Variants in NOTCH2NLR observed in about 807,000 individuals in gnomAD.
NOTCH2NLR encodes the protein notch 2 N-terminal like R (pseudogene).
NOTCH2NLR carries 33 observed loss-of-function variants against 35.6 expected under a neutral mutation model. The observed-to-expected ratio is 0.93, with a 90% CI of 0.70 to 1.24. The LOEUF (loss-of-function observed/expected upper bound fraction) is 1.24, where lower values mean the gene tolerates loss of function less well. Among genes scored for constraint, NOTCH2NLR ranks in the 50% most tolerant of loss-of-function variants. NOTCH2NLR has a pLI of 0.00. For missense variants in NOTCH2NLR, 276 were observed against 362.2 expected, an observed-to-expected ratio of 0.76 and a Z score of 1.93; for synonymous variants, 103 against 141.0, an observed-to-expected ratio of 0.73 and a Z score of 1.91.
At chr1:120,732,234 C>CT (rs1174417867) in intron 1 of NOTCH2NLR, among the ~76,000 whole-genome samples, 16 of 71,894 alleles carry the variant, frequency 2.2e-4, no homozygotes, top group East Asian at 6.6e-4. Flanking sequence ...TTATTTTCAT[C>CT]TTTTTTTTTG....
At position 120,751,599 on chromosome 1, in the gene NOTCH2NLR, C is replaced by T. The variant is rs1367392589; in HGVS notation, c.74-12029C>T. On this transcript the variant is annotated intron_variant, in intron 1 of 4. Coordinates refer to ENST00000624419, the Ensembl canonical transcript of NOTCH2NLR. ...GTAGGCCAGGGCATCTGCTCGTTCGCTCGCTCGCTTGCTCTTTCTCTCTTC... is the reference window on the plus strand; with the variant it reads ...GTAGGCCAGGGCATCTGCTCGTTCGTTCGCTCGCTTGCTCTTTCTCTCTTC... 3.5e-5 allele frequency among the ~76,000 whole-genome samples: 2 copies of T among 56,990 alleles called. 1 individual carries two copies. Among genetic ancestry groups the T allele is most frequent in the Non-Finnish European group, 8.1e-5 (2 of 24,688 alleles). The allele number at this position is 56,990 out of a possible 152,430, so 37.4% of individuals were successfully genotyped here.
chr1:120,793,346 C>T lies in NOTCH2NLR; in HGVS notation c.601C>T (p.Leu201=). The T allele has an allele frequency of 8.5e-6, 12 of 1,415,118 alleles. 1 individual carries two copies. In the South Asian group the frequency reaches 1.5e-4, roughly 17 times the overall value. 87.7% of individuals were successfully genotyped at this position (1,415,118 alleles called of 1,614,324 possible). ...CCAGCATGGTGGCACCTGCCTCAAC[C>T]TGCCTGGTTCCTACCAGTGCCAGTG... The change falls in exon 4 of 5, where the codon CTG becomes TTG. Residue 201 remains leucine (L), a synonymous_variant. Transcript: ENST00000624419.
At position 120,730,569 on chromosome 1, in the gene NOTCH2NLR, G is replaced by A. The variant is rs1280550091; in HGVS notation, c.73+6319G>A. 2.7e-5 allele frequency among the ~76,000 whole-genome samples: 3 copies of A among 111,744 alleles called. 1 individual carries two copies. Among genetic ancestry groups the A allele is most frequent in the Non-Finnish European group, 5.0e-5 (3 of 59,536 alleles). 73.3% of individuals were successfully genotyped at this position (111,744 alleles called of 152,430 possible). A position where few individuals can be genotyped will look rare whatever the true frequency, so the allele number is the denominator to read the frequency against. Reference sequence around the variant, plus strand: ...CATCACTGGTAGTGGTAGGAGGTTTGCCGTAGATCTGTTTTTTCTCCTGTC... The same window carrying A: ...CATCACTGGTAGTGGTAGGAGGTTTACCGTAGATCTGTTTTTTCTCCTGTC... On this transcript the variant is annotated intron_variant, in intron 1 of 4. Transcript: ENST00000624419.
exon 1 of NOTCH2NLR, chr1:120,724,034 A>C: frequency 8.0e-7 from 1 of 1,245,196 alleles, no homozygotes; most frequent in Non-Finnish European, 1.0e-6. Context: ...TGGGCTTCGG[A>C]GCGTAGCGCC....
rs1290093406 is a variant in NOTCH2NLR at position 120,759,114 on chromosome 1, T to G, written c.74-4514T>G. Among the ~76,000 whole-genome samples, 2 of 72,424 alleles carry G rather than the reference T, an allele frequency of 2.8e-5. 1 individual carries two copies. Among genetic ancestry groups the G allele is most frequent in the Non-Finnish European group, 4.6e-5 (2 of 43,018 alleles). The allele number at this position is 72,424 out of a possible 152,430, so 47.5% of individuals were successfully genotyped here. ...CATCAGGGCTTGTGCCTGCCGATAG[T>G]AGATGCTTTCTAAATATGTTCTGAA... On this transcript the variant is annotated intron_variant, in intron 1 of 4. Transcript: ENST00000624419.
intron 2 of NOTCH2NLR, among the ~76,000 whole-genome samples, chr1:120,765,248 G>C (rs1377275550): frequency 1.0e-5 from 1 of 100,368 alleles, no homozygotes; most frequent in Non-Finnish European, 1.9e-5. Context: ...ATACCTTAGA[G>C]TAGGCCACTG....
At chr1:120,770,736 T>C (rs1459951754) in intron 2 of NOTCH2NLR, among the ~76,000 whole-genome samples, 2 of 119,096 alleles carry the variant, frequency 1.7e-5, no homozygotes, top group Non-Finnish European at 3.3e-5. Flanking sequence ...TACTGTCACC[T>C]TGAGTCTCAG....
intron 1 of NOTCH2NLR, among the ~76,000 whole-genome samples, 177 bp from the exon 2 acceptor site, chr1:120,763,451 T>C (rs1314499756): frequency 9.2e-6 from 1 of 108,318 alleles, no homozygotes. Flanking sequence ...TGTTGGAAGA[T>C]AGTTTTGGGA....
chr1:120,770,416 G>A (rs1441243594), intron 2 of NOTCH2NLR, among the ~76,000 whole-genome samples: 1 of 111,190 alleles, frequency 9.0e-6, no homozygotes, highest in Non-Finnish European at 1.7e-5. Context: ...TGATCTGCCC[G>A]CCTCGGCCTC....
At chr1:120,769,711 G>A in intron 2 of NOTCH2NLR, among the ~76,000 whole-genome samples, 1 of 116,562 alleles carries the variant, frequency 8.6e-6, no homozygotes, top group Non-Finnish European at 1.7e-5. Context: ...ACTCAAGTCT[G>A]TGGTAGTAGT....
intron 1 of NOTCH2NLR, among the ~76,000 whole-genome samples, chr1:120,733,192 T>C (rs1650882790): frequency 9.5e-6 from 1 of 105,748 alleles, no homozygotes; most frequent in East Asian, 2.2e-4. Context: ...AATATACTAT[T>C]GTCAACACTA....
rs1651470847 is a variant in NOTCH2NLR, at chr1:120,790,331, A to G, written c.416-2830A>G. Among the ~76,000 whole-genome samples, 2 of 112,732 alleles carry G rather than the reference A, an allele frequency of 1.8e-5. 1 individual carries two copies. The highest frequency in any genetic ancestry group is 3.4e-5 in the Non-Finnish European group (2 of 59,590). 74.0% of individuals were successfully genotyped at this position (112,732 alleles called of 152,430 possible). On this transcript the variant is annotated intron_variant, in intron 3 of 4. Coordinates refer to ENST00000624419, the Ensembl canonical transcript of NOTCH2NLR. ...ACCGGGCCGATTCTGATCATCTTTT[A>G]TACATATGCTATTTTTGTCTATCAC...
intron 1 of NOTCH2NLR, among the ~76,000 whole-genome samples, chr1:120,745,134 CAA>C: frequency 1.2e-5 from 1 of 82,300 alleles, no homozygotes; most frequent in South Asian, 3.4e-4. Context: ...AAAAAAAAAA[CAA>C]AAAAAAAACA....
At chr1:120,752,563 TTTTTTTTTTTTC>T (rs1651034525) in intron 1 of NOTCH2NLR, among the ~76,000 whole-genome samples, 11 of 28,316 alleles carry the variant, frequency 3.9e-4, no homozygotes, top group Non-Finnish European at 3.5e-4. Flanking sequence ...TATTTTTTTT[TTTTTTTTTTTTC>T]TTTTTTTTTT....
At chr1:120,724,794 A>G (rs1234513736) in intron 1 of NOTCH2NLR, among the ~76,000 whole-genome samples, 1 of 101,894 alleles carries the variant, frequency 9.8e-6, no homozygotes, top group African/African-American at 5.5e-5. Flanking sequence ...GGCGCGCCTG[A>G]GTTTTGACAC....
intron 1 of NOTCH2NLR, among the ~76,000 whole-genome samples, chr1:120,760,180 C>CTTT (rs1161423259): frequency 1.3e-4 from 2 of 15,166 alleles, no homozygotes; most frequent in East Asian, 6.0e-4. Flanking sequence ...TCTACCACAG[C>CTTT]TTTTTTTTTT....
In NOTCH2NLR at chr1:120,785,211, C is replaced by T. The variant is rs1651412170; in HGVS notation, c.393C>T (p.Cys131=). 5.5e-6 allele frequency: 8 copies of T among 1,445,434 alleles called. 1 individual carries two copies. The highest frequency in any genetic ancestry group is 2.3e-5 in the East Asian group (1 of 42,890). The allele number at this position is 1,445,434 out of a possible 1,614,324, so 89.5% of individuals were successfully genotyped here. A position where few individuals can be genotyped will look rare whatever the true frequency, so the allele number is the denominator to read the frequency against. The stretch of plus-strand genomic sequence containing the variant: ...TGCTCAGCCGGGATACCTATGAGTG[C>T]ACCTGTCAAGTCGGGTTTACAGGTA... Residue 131 remains cysteine, a synonymous_variant, in exon 3 of 5, where the codon TGC becomes TGT. Transcript: ENST00000624419.
chr1:120,747,089 C>T lies in NOTCH2NLR; in HGVS notation c.74-16539C>T, dbSNP rs1650988463. 3.1e-4 allele frequency among the ~76,000 whole-genome samples: 9 copies of T among 28,770 alleles called. 4 individuals are homozygous for T. The South Asian group carries it at 5.2e-3, about 17-fold the overall frequency. The allele number at this position is 28,770 out of a possible 152,430, so 18.9% of individuals were successfully genotyped here. On this transcript the variant is annotated intron_variant, in intron 1 of 4. Transcript: ENST00000624419. Reference sequence around the variant, plus strand: ...GGTGGAGAGGAGTGGCTGTTACATTCTAATTAGAAGAATGACATGTTCAGG... The same window carrying T: ...GGTGGAGAGGAGTGGCTGTTACATTTTAATTAGAAGAATGACATGTTCAGG...
chr1:120,787,355 CG>C (rs1651433218), intron 3 of NOTCH2NLR, among the ~76,000 whole-genome samples: 1 of 58,198 alleles, frequency 1.7e-5, no homozygotes, highest in Non-Finnish European at 2.9e-5. Context: ...ACATCCAGCA[CG>C]GGAAAAAGAT....
Sources: gnomAD v4.1 joint callset for allele counts (sites outside exome capture counted in the v4.1 genomes callset) on GRCh38, gnomAD v4.1.1 for gene constraint, MANE v1.5 for transcripts, NCBI Gene and HGNC (gene_info 2026-07-23, HGNC 2026-07-21) for gene names.